Variants in TNFSF4 observed in about 807,000 individuals in gnomAD.
TNFSF4 encodes tumor necrosis factor ligand superfamily member 4.
A neutral mutation model predicts 7.3 loss-of-function variants in TNFSF4; 4 were observed. The observed-to-expected ratio is 0.55, with a 90% CI of 0.27 to 1.25. The LOEUF is 1.25. Ranked by LOEUF, TNFSF4 falls within the 50% of genes most tolerant of loss-of-function variation. TNFSF4 has a pLI of 0.12. For missense variants in TNFSF4, 181 were observed against 208.8 expected (o/e 0.87, Z 0.82); for synonymous variants, 76 against 83.7 (o/e 0.91, Z 0.50).
At chr1:173,438,504 G>C in the TNFSF4 span, among the ~76,000 whole-genome samples, 1 of 151,830 alleles carries the variant, frequency 6.6e-6, no homozygotes, top group African/African-American at 2.4e-5. Context: ...TTTTTTCTTT[G>C]TGAACTGTAT....
the TNFSF4 span, among the ~76,000 whole-genome samples, chr1:173,214,954 A>G: frequency 6.6e-6 from 1 of 152,066 alleles, no homozygotes; most frequent in Non-Finnish European, 1.5e-5. Flanking sequence ...AGACCACTCA[A>G]TTGCTGGTGT....
chr1:173,209,967 G>T (rs887973065), upstream of TNFSF4, among the ~76,000 whole-genome samples: 1 of 151,328 alleles, frequency 6.6e-6, no homozygotes, highest in Non-Finnish European at 1.5e-5. Flanking sequence ...AGAAAATATG[G>T]AAAAGAAAAG....
the TNFSF4 span, among the ~76,000 whole-genome samples, chr1:173,360,298 G>A: frequency 6.6e-6 from 1 of 152,244 alleles, no homozygotes; most frequent in African/African-American, 2.4e-5. Flanking sequence ...TATGGAATGA[G>A]AGCTGTCAGG....
chr1:173,310,919 C>A, the TNFSF4 span, among the ~76,000 whole-genome samples: 1 of 151,932 alleles, frequency 6.6e-6, no homozygotes, highest in Admixed American at 6.6e-5. Flanking sequence ...GCTAATATAG[C>A]TGCATCAGGT....
chr1:173,340,513 C>T, the TNFSF4 span, among the ~76,000 whole-genome samples: 1 of 152,034 alleles, frequency 6.6e-6, no homozygotes, highest in East Asian at 1.9e-4. Context: ...AAAGGTTAAG[C>T]AATTTAATGG....
At chr1:173,327,742 C>A in the TNFSF4 span, among the ~76,000 whole-genome samples, 1 of 152,182 alleles carries the variant, frequency 6.6e-6, no homozygotes. Context: ...AGCCAAAAAA[C>A]ACATGAAAAA....
At chr1:173,365,987 T>C in the TNFSF4 span, among the ~76,000 whole-genome samples, 1 of 152,144 alleles carries the variant, frequency 6.6e-6, no homozygotes, top group African/African-American at 2.4e-5. Flanking sequence ...CAAATGCTAG[T>C]GAAGATGTGG....
intron 1 of TNFSF4, among the ~76,000 whole-genome samples, chr1:173,190,659 A>G (rs1194941029): frequency 6.6e-6 from 1 of 152,250 alleles, no homozygotes; most frequent in Non-Finnish European, 1.5e-5. Flanking sequence ...ATGCTCTGGA[A>G]GAAAACCTGT....
intron 1 of TNFSF4, among the ~76,000 whole-genome samples, chr1:173,191,732 AAAGTTATAGCAT>A (rs1649487990): frequency 2.6e-5 from 4 of 152,218 alleles, no homozygotes; most frequent in Admixed American, 2.6e-4. Context: ...TGAATTTGGA[AAAGTTATAGCAT>A]TTCTTCGCTT....
the TNFSF4 span, among the ~76,000 whole-genome samples, chr1:173,226,994 C>A: frequency 2.6e-4 from 39 of 152,190 alleles, no homozygotes; most frequent in Admixed American, 1.1e-3. Context: ...ATTGTGAGAA[C>A]TTTTGCTTCC....
At chr1:173,214,068 A>C in the TNFSF4 span, among the ~76,000 whole-genome samples, 1 of 152,302 alleles carries the variant, frequency 6.6e-6, no homozygotes, top group Middle Eastern at 3.4e-3. Context: ...ATGTGGATAC[A>C]TCCATGCTCA....
the TNFSF4 span, among the ~76,000 whole-genome samples, chr1:173,333,083 A>T: frequency 6.6e-6 from 1 of 152,228 alleles, no homozygotes; most frequent in Non-Finnish European, 1.5e-5. Flanking sequence ...GACATGGATC[A>T]GAAGAAATGG....
At chr1:173,413,321 T>C in the TNFSF4 span, among the ~76,000 whole-genome samples, 1 of 152,154 alleles carries the variant, frequency 6.6e-6, no homozygotes, top group African/African-American at 2.4e-5. Flanking sequence ...ACTTCCTATG[T>C]GGGGGTTCTG....
At chr1:173,248,491 GGAAAGAAA>G in the TNFSF4 span, among the ~76,000 whole-genome samples, 10 of 136,184 alleles carry the variant, frequency 7.3e-5, no homozygotes, top group South Asian at 6.9e-4. Flanking sequence ...AAGGAAGGAA[GGAAAGAAA>G]GAAAGAAAGA....
chr1:173,220,403 C>G, the TNFSF4 span, among the ~76,000 whole-genome samples: 2 of 152,154 alleles, frequency 1.3e-5, no homozygotes, highest in African/African-American at 2.4e-5. Flanking sequence ...ACTATTTATT[C>G]AGTTCCTCCT....
chr1:173,285,400 A>G, the TNFSF4 span, among the ~76,000 whole-genome samples: 2 of 152,320 alleles, frequency 1.3e-5, no homozygotes, highest in African/African-American at 4.8e-5. Context: ...TGAAATGACA[A>G]CAAAGGACTT....
the TNFSF4 span, among the ~76,000 whole-genome samples, chr1:173,388,593 C>T: frequency 2.6e-4 from 39 of 152,280 alleles, no homozygotes; most frequent in African/African-American, 6.7e-4. Context: ...GATATCACAA[C>T]GGACTGGATG....
At chr1:173,340,845 G>GCA in the TNFSF4 span, among the ~76,000 whole-genome samples, 1 of 152,088 alleles carries the variant, frequency 6.6e-6, no homozygotes, top group South Asian at 2.1e-4. Context: ...TGTGAGTGCT[G>GCA]CATAGTCTTG....
downstream of TNFSF4, among the ~76,000 whole-genome samples, chr1:173,183,468 G>A (rs1649095038): frequency 6.6e-6 from 1 of 152,118 alleles, no homozygotes; most frequent in Admixed American, 6.5e-5. Flanking sequence ...CTGAGGAAAG[G>A]AAAAACAGTA....
Sources: allele counts gnomAD v4.1 joint callset (sites outside exome capture counted in the v4.1 genomes callset), GRCh38; gene constraint gnomAD v4.1.1; transcripts MANE v1.5; gene names NCBI Gene and HGNC (gene_info 2026-07-23, HGNC 2026-07-21).